Variants in NHLRC3 observed in about 807,000 individuals in gnomAD.
The protein encoded by NHLRC3 is NHL repeat-containing protein 3.
NHLRC3 carries 23 observed loss-of-function variants against 32.0 expected under a neutral mutation model. The observed-to-expected ratio is 0.72, with a 90% CI of 0.52 to 1.02. The LOEUF is 1.02. Among genes scored for constraint, NHLRC3 ranks in the 50% least tolerant of loss-of-function variants. The pLI is 0.00. For missense variants in NHLRC3, 407 were observed against 406.8 expected (o/e 1.00, Z -0.01); for synonymous variants, 159 against 147.9 (o/e 1.08, Z -0.55).
In NHLRC3 at chr13:39,038,650, T is replaced by G; in HGVS notation, c.11T>G (p.Phe4Cys). ...GCTTCCCGTCTGGTCATGGCGAGAT[T>G]CTGGGTCTGCGTAGCCGGTGCTGGC... Reference protein sequence around the residue: MARFWVCVAGAGFF... With the variant: MARCWVCVAGAGFF... The change falls in exon 1 of 7, where the codon TTC becomes TGC. Residue 4 changes from phenylalanine to cysteine, a missense_variant. Phe to Cys is a radical substitution (Grantham distance 205). Transcript: ENST00000379600. The G allele has an allele frequency of 6.2e-7, 1 of 1,614,180 alleles. No individual in the cohort carries two copies.
chr13:39,039,078 C>CAG, intron 1 of NHLRC3, 58 bp from the exon 2 acceptor site: 3 of 1,038,046 alleles, frequency 2.9e-6, no homozygotes, highest in Middle Eastern at 2.2e-4. Flanking sequence ...CCCCCCCGCC[C>CAG]TTTTTTTGTT....
chr13:39,039,061 T>TTGGCC, intron 1 of NHLRC3, 75 bp from the exon 2 acceptor site: 1 of 760,182 alleles, frequency 1.3e-6, no homozygotes, highest in African/African-American at 1.7e-5. Context: ...TAAGCCCTGT[T>TTGGCC]ACCCGGCCCC....
At chr13:39,039,448 T>C in intron 2 of NHLRC3, 116 bp from the exon 3 acceptor site, 1 of 1,134,384 alleles carries the variant, frequency 8.8e-7, no homozygotes, top group South Asian at 1.5e-5. Context: ...AAAGATATGT[T>C]AGATTTTGAA....
intron 4 of NHLRC3, 76 bp from the exon 5 acceptor site, chr13:39,044,014 A>G: frequency 9.6e-7 from 1 of 1,042,410 alleles, no homozygotes; most frequent in East Asian, 2.4e-5. Flanking sequence ...AGTTCTTTGT[A>G]ACCTGTTTCA....
chr13:39,046,807 AAGCTTTGGGTTAAGAC>A (rs1338414947), intron 5 of NHLRC3, among the ~76,000 whole-genome samples: 2 of 152,208 alleles, frequency 1.3e-5, no homozygotes, highest in African/African-American at 4.8e-5. Flanking sequence ...AGAGTATTAT[AAGCTTTGGGTTAAGAC>A]AGCTTTGGGT....
Position 39,038,520 on chromosome 13 carries a change from G to GT in NHLRC3, c.-120_-119insT. ...GTGCATCCAGGGAGGGGAAACCGGA[G>GT]ATAGGGTCTTCGGGCCCCGGGCAGA... On this transcript the variant is annotated 5_prime_UTR_variant, in exon 1 of 7. Transcript: ENST00000379600. 1.3e-6 allele frequency: 1 copy of GT among 796,386 alleles called. No individual in the cohort carries two copies. 49.3% of individuals were successfully genotyped at this position (796,386 alleles called of 1,614,324 possible).
chr13:39,045,691 T>A (rs935735312), intron 5 of NHLRC3, among the ~76,000 whole-genome samples: 1 of 152,202 alleles, frequency 6.6e-6, no homozygotes, highest in Non-Finnish European at 1.5e-5. Context: ...CCTTGGTCAT[T>A]TGTCTGGGAT....
chr13:39,044,715 C>A (rs1389913869), intron 5 of NHLRC3, among the ~76,000 whole-genome samples: 1 of 152,186 alleles, frequency 6.6e-6, no homozygotes, highest in African/African-American at 2.4e-5. Flanking sequence ...AAATTTCAAT[C>A]AGTTTCTCTC....
In NHLRC3 at chr13:39,039,690, T is replaced by A; in HGVS notation, c.364T>A (p.Trp122Arg). ...AASTLYEQSV[W>R]ITDVGSGFFG... Reference sequence around the variant, plus strand: ...CAGTACTCTATATGAACAATCCGTCTGGATCACGGATGTAGGAAGTGGTAT... The same window carrying A: ...CAGTACTCTATATGAACAATCCGTCAGGATCACGGATGTAGGAAGTGGTAT... The change falls in exon 3 of 7, where the codon TGG becomes AGG. Residue 122 changes from tryptophan to arginine, a missense_variant. Coordinates refer to ENST00000379600, the MANE Select transcript of NHLRC3 (RefSeq NM_001012754.4). The A allele has an allele frequency of 6.2e-7, 1 of 1,612,676 alleles. No homozygotes were observed. Among genetic ancestry groups the A allele is most frequent in the South Asian group, 1.1e-5 (1 of 91,048 alleles).
intron 5 of NHLRC3, among the ~76,000 whole-genome samples, chr13:39,046,013 A>G (rs1373471006): frequency 6.6e-6 from 1 of 152,184 alleles, no homozygotes; most frequent in Admixed American, 6.5e-5. Context: ...ATACCTCTCT[A>G]CAACCCTGGC....
rs757005705 is a variant in NHLRC3, at chr13:39,038,591, C to T, written c.-49C>T. On this transcript the variant is annotated 5_prime_UTR_variant, in exon 1 of 7. Coordinates refer to ENST00000379600, the MANE Select transcript of NHLRC3 (RefSeq NM_001012754.4). ...CGTTGCAGCCTGAGGCTGTCAGGTC[C>T]TCCCCCAGACACCTGCGGACCCTCC... 5.3e-6 allele frequency: 8 copies of T among 1,506,760 alleles called. No homozygotes were observed. Among genetic ancestry groups the T allele is most frequent in the Middle Eastern group, 1.7e-4 (1 of 5,816 alleles). The allele number at this position is 1,506,760 out of a possible 1,614,324, so 93.3% of individuals were successfully genotyped here.
In NHLRC3 at chr13:39,038,598, A is replaced by G; in HGVS notation, c.-42A>G. 2.6e-6 allele frequency: 4 copies of G among 1,548,180 alleles called. No individual in the cohort carries two copies. Among genetic ancestry groups the G allele is most frequent in the Non-Finnish European group, 2.7e-6 (3 of 1,119,668 alleles). On this transcript the variant is annotated 5_prime_UTR_variant, in exon 1 of 7. Coordinates refer to ENST00000379600, the MANE Select transcript of NHLRC3 (RefSeq NM_001012754.4). ...GCCTGAGGCTGTCAGGTCCTCCCCCAGACACCTGCGGACCCTCCCTCTCCT... is the reference window on the plus strand; with the variant it reads ...GCCTGAGGCTGTCAGGTCCTCCCCCGGACACCTGCGGACCCTCCCTCTCCT...
In NHLRC3 at chr13:39,047,158, T is replaced by C; in HGVS notation, c.791+6T>C. On this transcript the variant is annotated splice_donor_region_variant and intron_variant, in intron 6 of 6. Coordinates refer to ENST00000379600, the MANE Select transcript of NHLRC3 (RefSeq NM_001012754.4). ...GAGGGACCTTCTTCAGTCAGGTAAT[T>C]GTTTCATTTTATTGCAAAATGCTTG... 6.6e-7 allele frequency: 1 copy of C among 1,520,378 alleles called. No individual in the cohort carries two copies. The highest frequency in any genetic ancestry group is 9.1e-7 in the Non-Finnish European group (1 of 1,100,240). 94.2% of individuals were successfully genotyped at this position (1,520,378 alleles called of 1,614,324 possible).
chr13:39,038,367 G>A (rs1179916297), upstream of NHLRC3: 1 of 508,706 alleles, frequency 2.0e-6, no homozygotes, highest in Non-Finnish European at 3.5e-6. Context: ...GCGGGAAAGG[G>A]TGGTCACTGG....
rs1404236333 is a variant in NHLRC3, at chr13:39,042,265, A to T, written c.546A>T (p.Gly182=). Residue 182 remains glycine (G), a synonymous_variant, in exon 4 of 7, where the codon GGA becomes GGT. Coordinates refer to ENST00000379600, the MANE Select transcript of NHLRC3 (RefSeq NM_001012754.4). ...EDTGDIYIVD[G]DGGLNNRLIK... ...CAGGAGATATTTACATTGTGGATGG[A>T]GATGGAGGATTGAATAACAGATTGA... 6.2e-7 allele frequency: 1 copy of T among 1,609,318 alleles called. No individual in the cohort carries two copies. The highest frequency in any genetic ancestry group is 1.3e-5 in the African/African-American group (1 of 74,954).
intron 5 of NHLRC3, among the ~76,000 whole-genome samples, chr13:39,046,207 A>G (rs1236942992): frequency 6.6e-6 from 1 of 152,104 alleles, no homozygotes; most frequent in Non-Finnish European, 1.5e-5. Flanking sequence ...AGTCTCAGCT[A>G]CTCGGAGAGG....
intron 5 of NHLRC3, among the ~76,000 whole-genome samples, 169 bp from the exon 6 acceptor site, chr13:39,046,871 C>G (rs1318961476): frequency 6.6e-6 from 1 of 152,224 alleles, no homozygotes; most frequent in Non-Finnish European, 1.5e-5. Context: ...TCAGAGACGG[C>G]AACCTTTCTG....
intron 2 of NHLRC3, 23 bp downstream of exon 2, chr13:39,039,311 A>C: frequency 6.3e-7 from 1 of 1,589,412 alleles, no homozygotes; most frequent in Non-Finnish European, 8.6e-7. Flanking sequence ...AGATTTAAAA[A>C]AATTATGAAC....
chr13:39,039,393 C>A, intron 2 of NHLRC3, 105 bp downstream of exon 2: 1 of 1,105,182 alleles, frequency 9.0e-7, no homozygotes, highest in Non-Finnish European at 1.3e-6. Flanking sequence ...GCTAATTGTG[C>A]AATTTATTTT....
Sources: gnomAD v4.1 joint callset for allele counts (sites outside exome capture counted in the v4.1 genomes callset) on GRCh38, gnomAD v4.1.1 for gene constraint, MANE v1.5 for transcripts, NCBI Gene and HGNC (gene_info 2026-07-23, HGNC 2026-07-21) for gene names.